TMEM163: variants seen among roughly 807,000 people sequenced by gnomAD.
TMEM163 encodes transmembrane protein 163.
TMEM163 carries 17 observed loss-of-function variants against 29.3 expected under a neutral mutation model. The observed-to-expected ratio is 0.58, with a 90% CI of 0.40 to 0.87. TMEM163 has a LOEUF of 0.87. Ranked by LOEUF, TMEM163 falls within the 40% of genes least tolerant of loss-of-function variation. TMEM163 has a pLI of 0.00. For missense variants in TMEM163, 303 were observed against 381.5 expected, an observed-to-expected ratio of 0.79 and a Z score of 1.71; for synonymous variants, 157 against 160.6, an observed-to-expected ratio of 0.98 and a Z score of 0.17.
At chr2:134,517,875 A>G (rs1005768894) in intron 4 of TMEM163, among the ~76,000 whole-genome samples, 3 of 152,216 alleles carry the variant, frequency 2.0e-5, no homozygotes, top group Admixed American at 2.0e-4. Context: ...GTTAGGAGAA[A>G]AAGTATGAGT....
intron 2 of TMEM163, among the ~76,000 whole-genome samples, chr2:134,589,118 C>A (rs1037016532): frequency 6.6e-6 from 1 of 152,108 alleles, no homozygotes; most frequent in African/African-American, 2.4e-5. Context: ...AAGTGAGAGG[C>A]AGCAGAAAGA....
At chr2:134,713,606 C>T (rs1437400955) in intron 1 of TMEM163, 2 of 549,064 alleles carry the variant, frequency 3.6e-6, no homozygotes, top group South Asian at 1.5e-5. Context: ...CCTTGACATA[C>T]CACACCAGGC....
At chr2:134,650,012 A>AT in intron 2 of TMEM163, among the ~76,000 whole-genome samples, 1 of 150,342 alleles carries the variant, frequency 6.7e-6, no homozygotes, top group Admixed American at 6.7e-5. Flanking sequence ...CTTAAAAAAA[A>AT]AAAAAAAAAA....
chr2:134,644,994 G>T (rs911662879), intron 2 of TMEM163, among the ~76,000 whole-genome samples: 4 of 152,132 alleles, frequency 2.6e-5, no homozygotes, highest in African/African-American at 9.6e-5. Flanking sequence ...TATACAAATG[G>T]CAAACAAGCA....
intron 4 of TMEM163, among the ~76,000 whole-genome samples, chr2:134,532,963 C>G (rs78513112): frequency 3.3e-5 from 5 of 152,150 alleles, no homozygotes; most frequent in African/African-American, 7.2e-5. Flanking sequence ...AACAAACCAG[C>G]CTTCATTCTC....
At chr2:134,697,885 TTC>T (rs951914646) in intron 2 of TMEM163, among the ~76,000 whole-genome samples, 3 of 152,228 alleles carry the variant, frequency 2.0e-5, no homozygotes, top group African/African-American at 7.2e-5. Context: ...GACCTATAAA[TTC>T]TCTGTTGCCT....
intron 2 of TMEM163, among the ~76,000 whole-genome samples, chr2:134,627,421 C>T (rs1181386148): frequency 6.6e-6 from 1 of 152,086 alleles, no homozygotes; most frequent in Non-Finnish European, 1.5e-5. Flanking sequence ...ATGTTGACTT[C>T]CTTTATTGCT....
At chr2:134,698,187 T>C (rs1470119963) in intron 2 of TMEM163, among the ~76,000 whole-genome samples, 1 of 152,160 alleles carries the variant, frequency 6.6e-6, no homozygotes, top group East Asian at 1.9e-4. Context: ...TTCCCAACTG[T>C]GACAAACAGA....
At chr2:134,686,505 A>G (rs1034173479) in intron 2 of TMEM163, among the ~76,000 whole-genome samples, 1 of 152,212 alleles carries the variant, frequency 6.6e-6, no homozygotes, top group Non-Finnish European at 1.5e-5. Flanking sequence ...GTCAAAAAGC[A>G]AGGGACTACT....
chr2:134,657,808 AT>A (rs111855419), intron 2 of TMEM163, among the ~76,000 whole-genome samples: 22,472 of 151,828 alleles, frequency 0.15, 2,423 homozygotes, highest in African/African-American at 0.31. Flanking sequence ...CATCTCAAAA[AT>A]AAAAAATAAA....
At chr2:134,677,371 T>C (rs1338132404) in intron 2 of TMEM163, among the ~76,000 whole-genome samples, 1 of 152,130 alleles carries the variant, frequency 6.6e-6, no homozygotes, top group Non-Finnish European at 1.5e-5. Context: ...GAAAAAAGCT[T>C]ATGCAATCCA....
intron 2 of TMEM163, among the ~76,000 whole-genome samples, chr2:134,610,006 TG>T: frequency 6.6e-6 from 1 of 151,698 alleles, no homozygotes; most frequent in East Asian, 1.9e-4. Flanking sequence ...AGCTGCTGGG[TG>T]GGGTGAGGCA....
Position 134,502,893 on chromosome 2 carries a change from G to C in TMEM163, c.555+8C>G. On this transcript the variant is annotated splice_region_variant and intron_variant, in intron 5 of 7. Transcript: ENST00000281924. ...GGAAGGATTGTTAAGGAAGAAGAAGGACCTTACCACTTCTGGGAGCAGCCT... is the reference window on the plus strand; with the variant it reads ...GGAAGGATTGTTAAGGAAGAAGAAGCACCTTACCACTTCTGGGAGCAGCCT... 1 of 1,612,450 alleles carries C rather than the reference G, an allele frequency of 6.2e-7. No homozygotes were observed. Among genetic ancestry groups the C allele is most frequent in the East Asian group, 2.2e-5 (1 of 44,810 alleles).
At chr2:134,463,604 A>T (rs894628343) in intron 6 of TMEM163, among the ~76,000 whole-genome samples, 1 of 152,206 alleles carries the variant, frequency 6.6e-6, no homozygotes, top group African/African-American at 2.4e-5. Context: ...ATGCTGTGTC[A>T]TTCTCAGGAG....
chr2:134,469,283 G>A (rs1055812415), intron 5 of TMEM163: 1 of 152,154 alleles, frequency 6.6e-6, no homozygotes, highest in Non-Finnish European at 1.5e-5. Flanking sequence ...GGGCCCCGAG[G>A]TCCAGCTCCT....
intron 2 of TMEM163, among the ~76,000 whole-genome samples, chr2:134,648,056 G>A (rs975963411): frequency 1.2e-4 from 18 of 152,314 alleles, no homozygotes; most frequent in African/African-American, 3.4e-4. Flanking sequence ...CTTGTCCAGC[G>A]TCCAGGAGGA....
At chr2:134,692,801 CATCACA>C (rs768566121) in intron 2 of TMEM163, among the ~76,000 whole-genome samples, 2 of 152,148 alleles carry the variant, frequency 1.3e-5, no homozygotes, top group Admixed American at 6.5e-5. Context: ...CTCCAAATAC[CATCACA>C]CTGTGGGTGA....
At chr2:134,456,827 G>A (rs764609073) in intron 7 of TMEM163, 51 bp from the exon 8 acceptor site, 10 of 1,572,726 alleles carry the variant, frequency 6.4e-6, no homozygotes, top group East Asian at 2.3e-5. Flanking sequence ...GGGCTGAAGA[G>A]CTTGGGGAAG....
intron 2 of TMEM163, among the ~76,000 whole-genome samples, chr2:134,596,066 G>A (rs555890152): frequency 2.6e-5 from 4 of 152,042 alleles, no homozygotes; most frequent in East Asian, 1.9e-4. Flanking sequence ...GTAGGTTGCC[G>A]GTTCACTCTG....
Sources: gnomAD v4.1 joint callset for allele counts (sites outside exome capture counted in the v4.1 genomes callset) on GRCh38, gnomAD v4.1.1 for gene constraint, MANE v1.5 for transcripts, NCBI Gene and HGNC (gene_info 2026-07-23, HGNC 2026-07-21) for gene names.